MAP2K1: variants seen among roughly 807,000 people sequenced by gnomAD.
The protein encoded by MAP2K1 is mitogen-activated protein kinase kinase 1.
Under a neutral mutation model 46.3 loss-of-function variants are expected in MAP2K1, and 16 were observed. That is an observed-to-expected ratio of 0.35 (90% CI 0.23 to 0.52). The LOEUF is 0.52. Among genes scored for constraint, MAP2K1 ranks in the 20% least tolerant of loss-of-function variants. The pLI, the probability that MAP2K1 is intolerant of heterozygous loss-of-function variation, is 0.94. For synonymous variants in MAP2K1, 183 were observed against 185.6 expected (o/e 0.99, Z 0.11); for missense variants, 263 against 497.1 (o/e 0.53, Z 4.48).
At chr15:66,408,474 C>A (rs2093403261) in intron 1 of MAP2K1, among the ~76,000 whole-genome samples, 1 of 152,178 alleles carries the variant, frequency 6.6e-6, no homozygotes, top group Non-Finnish European at 1.5e-5. Flanking sequence ...ACAGGCCCCA[C>A]CCAGATAAGC....
chr15:66,459,016 A>G (rs562107051), intron 5 of MAP2K1, among the ~76,000 whole-genome samples: 2 of 152,130 alleles, frequency 1.3e-5, no homozygotes, highest in Non-Finnish European at 2.9e-5. Flanking sequence ...TGCAGAGCCT[A>G]TATGAAAGTG....
intron 3 of MAP2K1, among the ~76,000 whole-genome samples, chr15:66,439,956 C>G (rs1451043896): frequency 6.9e-6 from 1 of 144,340 alleles, no homozygotes; most frequent in Non-Finnish European, 1.5e-5. Context: ...AAAAAAAATT[C>G]TAGCATGCAG....
intron 1 of MAP2K1, among the ~76,000 whole-genome samples, chr15:66,424,062 G>GC (rs1320548649): frequency 1.5e-3 from 43 of 28,594 alleles, no homozygotes; most frequent in South Asian, 0.011. Context: ...CATGTCTTGT[G>GC]CATTTTTTTT....
chr15:66,426,180 G>A (rs1275005495), intron 1 of MAP2K1, among the ~76,000 whole-genome samples: 8 of 146,104 alleles, frequency 5.5e-5, no homozygotes, highest in African/African-American at 1.5e-4. Context: ...AGTTTATTAC[G>A]AAAGCAAAGG....
chr15:66,469,869 T>G (rs1892578440), intron 5 of MAP2K1, among the ~76,000 whole-genome samples: 1 of 150,568 alleles, frequency 6.6e-6, no homozygotes, highest in African/African-American at 2.4e-5. Flanking sequence ...CAGAAAGGGC[T>G]TGATTTAGGA....
chr15:66,465,690 AAAC>A (rs959122429), intron 5 of MAP2K1, among the ~76,000 whole-genome samples: 15 of 152,234 alleles, frequency 9.9e-5, no homozygotes, highest in South Asian at 4.1e-4. Flanking sequence ...TCCATCTCAA[AAAC>A]AACAACAACA....
chr15:66,456,307 C>A (rs1361949390), intron 5 of MAP2K1, among the ~76,000 whole-genome samples: 8 of 152,098 alleles, frequency 5.3e-5, no homozygotes, highest in Admixed American at 5.2e-4. Context: ...GAATCACTAC[C>A]CTGCCAACTT....
At chr15:66,453,430 A>C in intron 5 of MAP2K1, 1 of 700,350 alleles carries the variant, frequency 1.4e-6, no homozygotes, top group Non-Finnish European at 2.6e-6. Context: ...GCTGCTCAGC[A>C]TTTCAGACTC....
chr15:66,443,444 A>G (rs1891774858), intron 4 of MAP2K1, 87 bp downstream of exon 4: 1 of 855,748 alleles, frequency 1.2e-6, no homozygotes, highest in East Asian at 2.5e-5. Flanking sequence ...GAAGATGGGA[A>G]GTCAATGAGG....
chr15:66,396,930 C>T (rs7175615), intron 1 of MAP2K1, among the ~76,000 whole-genome samples: 31,857 of 150,934 alleles, frequency 0.21, 3,891 homozygotes, highest in Non-Finnish European at 0.27. Flanking sequence ...GTTGATCTGC[C>T]CACCTCGGCC....
At chr15:66,420,807 A>ATATATGTG (rs1567003134) in intron 1 of MAP2K1, among the ~76,000 whole-genome samples, 2 of 99,296 alleles carry the variant, frequency 2.0e-5, no homozygotes, top group African/African-American at 6.8e-5. Context: ...ATATATGTGT[A>ATATATGTG]TATATATGTG....
At chr15:66,467,476 T>C (rs938632792) in intron 5 of MAP2K1, among the ~76,000 whole-genome samples, 5 of 152,192 alleles carry the variant, frequency 3.3e-5, no homozygotes, top group South Asian at 2.1e-4. Flanking sequence ...GCCACATGAT[T>C]AGAAGTTATG....
chr15:66,438,827 A>T (rs1277491306), intron 3 of MAP2K1, among the ~76,000 whole-genome samples: 2 of 152,142 alleles, frequency 1.3e-5, no homozygotes, highest in African/African-American at 2.4e-5. Context: ...AGTGGCCAGG[A>T]TGGGGAAGAC....
chr15:66,420,372 G>A (rs1257882546), intron 1 of MAP2K1, among the ~76,000 whole-genome samples: 4 of 151,304 alleles, frequency 2.6e-5, no homozygotes, highest in African/African-American at 4.8e-5. Flanking sequence ...TTTGAGACCA[G>A]CCTGGGCAAC....
In MAP2K1 at chr15:66,459,441, A is replaced by T. The variant is rs112908853; in HGVS notation, c.568+14734A>T. 6.3e-3 allele frequency among the ~76,000 whole-genome samples: 952 copies of T among 151,968 alleles called. 7 individuals carry two copies. Among genetic ancestry groups the T allele is most frequent in the Non-Finnish European group, 0.01 (692 of 67,970 alleles). Reference sequence around the variant, plus strand: ...AAAACAGCTTGACCAACATGGTGAAACCCCGTCTCTACTAAAATACAAAAA... The same window carrying T: ...AAAACAGCTTGACCAACATGGTGAATCCCCGTCTCTACTAAAATACAAAAA... On this transcript the variant is annotated intron_variant, in intron 5 of 10. Coordinates refer to ENST00000307102, the MANE Select transcript of MAP2K1 (RefSeq NM_002755.4).
chr15:66,447,567 T>C (rs1251187337), intron 5 of MAP2K1, among the ~76,000 whole-genome samples: 1 of 151,350 alleles, frequency 6.6e-6, no homozygotes, highest in East Asian at 2.0e-4. Context: ...GGCGTGTGCC[T>C]GTAATCCTGG....
At chr15:66,490,243 T>G in intron 10 of MAP2K1, 1 of 614,026 alleles carries the variant, frequency 1.6e-6, no homozygotes, top group Admixed American at 2.6e-5. Context: ...CTGTGAGGCA[T>G]TTAAGGCAGA....
chr15:66,392,037 G>T (rs944713180), intron 1 of MAP2K1, among the ~76,000 whole-genome samples: 3 of 152,166 alleles, frequency 2.0e-5, no homozygotes, highest in African/African-American at 7.2e-5. Context: ...TAGGGATCCA[G>T]GCTGATCGAG....
At chr15:66,428,035 A>G (rs1237029414) in intron 1 of MAP2K1, among the ~76,000 whole-genome samples, 1 of 152,066 alleles carries the variant, frequency 6.6e-6, no homozygotes, top group Non-Finnish European at 1.5e-5. Context: ...AACCTCTCCA[A>G]CTTGACGTGG....
Sources: allele counts gnomAD v4.1 joint callset (sites outside exome capture counted in the v4.1 genomes callset), GRCh38; gene constraint gnomAD v4.1.1; transcripts MANE v1.5; gene names NCBI Gene and HGNC (gene_info 2026-07-23, HGNC 2026-07-21).